Variants in DNAAF5 observed in about 807,000 individuals in gnomAD.
DNAAF5 encodes the protein dynein axonemal assembly factor 5.
DNAAF5 carries 64 observed loss-of-function variants against 75.8 expected under a neutral mutation model. That is an observed-to-expected ratio of 0.84 (90% CI 0.69 to 1.04). DNAAF5 has a LOEUF of 1.04. Ranked by LOEUF, DNAAF5 falls within the 50% of genes least tolerant of loss-of-function variation. The probability of loss-of-function intolerance (pLI) is 0.00; values close to 1 mark genes in which losing one functional copy is unlikely to be tolerated. For missense variants in DNAAF5, 1,269 were observed against 1,178.5 expected (o/e 1.08, Z -1.12); for synonymous variants, 657 against 557.2 (o/e 1.18, Z -2.52).
chr7:777,007 C>T (rs557667958), intron 11 of DNAAF5, among the ~76,000 whole-genome samples: 3 of 152,180 alleles, frequency 2.0e-5, no homozygotes, highest in Admixed American at 6.5e-5. Flanking sequence ...TCCAAGCTGA[C>T]GCTCCTTATG....
intron 8 of DNAAF5, among the ~76,000 whole-genome samples, chr7:770,059 C>T (rs769835970): frequency 3.3e-5 from 5 of 151,800 alleles, no homozygotes; most frequent in South Asian, 4.2e-4. Flanking sequence ...TCAAGTGATT[C>T]TCCTGCCTCA....
intron 4 of DNAAF5, among the ~76,000 whole-genome samples, chr7:746,322 C>T (rs1161753972): frequency 1.4e-5 from 2 of 141,410 alleles, no homozygotes; most frequent in Non-Finnish European, 3.1e-5. Flanking sequence ...TTCCCCCGCC[C>T]GTCATGCCCA....
intron 8 of DNAAF5, 74 bp from the exon 9 acceptor site, chr7:770,393 GAGCC>G: frequency 7.1e-7 from 1 of 1,417,272 alleles, no homozygotes; most frequent in Non-Finnish European, 9.6e-7. Flanking sequence ...GGGAGCGCCT[GAGCC>G]TGGGCCTGTG....
At chr7:751,172 T>C (rs1416340945) in intron 4 of DNAAF5, among the ~76,000 whole-genome samples, 2 of 151,720 alleles carry the variant, frequency 1.3e-5, no homozygotes. Context: ...AAGAGAGGTG[T>C]GTTTGCACCC....
intron 11 of DNAAF5, among the ~76,000 whole-genome samples, chr7:776,651 C>A (rs1778770253): frequency 6.6e-6 from 1 of 152,212 alleles, no homozygotes; most frequent in Admixed American, 6.5e-5. Flanking sequence ...CAGGTGAGAG[C>A]AAGCACTGGG....
At chr7:745,879 T>G (rs557700712) in intron 4 of DNAAF5, among the ~76,000 whole-genome samples, 1 of 152,336 alleles carries the variant, frequency 6.6e-6, no homozygotes, top group African/African-American at 2.4e-5. Context: ...GTTCAAGGAC[T>G]TGGGAATGTT....
chr7:772,454 T>G (rs1778598869), intron 9 of DNAAF5: 1 of 152,248 alleles, frequency 6.6e-6, no homozygotes, highest in Admixed American at 6.5e-5. Flanking sequence ...GAGAAGTGGC[T>G]GCGAGTTCAG....
chr7:770,539 G>A lies in DNAAF5; in HGVS notation c.1852G>A (p.Asp618Asn), dbSNP rs767066452. Reference protein sequence around the residue: ...TLRACLQPSQDPQMRLKLFSI... With the variant: ...TLRACLQPSQNPQMRLKLFSI... ...GAGGGCCTGTCTGCAGCCCTCCCAAGACCCGCAGATGCGCCTGAAGCTGTT... is the reference window on the plus strand; with the variant it reads ...GAGGGCCTGTCTGCAGCCCTCCCAAAACCCGCAGATGCGCCTGAAGCTGTT... The change falls in exon 9 of 13, where the codon GAC becomes AAC. Residue 618 changes from aspartate (D) to asparagine (N), a missense_variant. Transcript: ENST00000297440. 1 of 1,613,988 alleles carries A rather than the reference G, an allele frequency of 6.2e-7. No individual in the cohort carries two copies. Among genetic ancestry groups the A allele is most frequent in the South Asian group, 1.1e-5 (1 of 91,086 alleles).
chr7:781,710 C>G (rs1412978854), intron 12 of DNAAF5, among the ~76,000 whole-genome samples: 1 of 151,976 alleles, frequency 6.6e-6, no homozygotes, highest in Non-Finnish European at 1.5e-5. Flanking sequence ...GAGGATGTCT[C>G]ACTTGTTTCT....
At position 727,086 on chromosome 7, in the gene DNAAF5, C is replaced by T; in HGVS notation, c.366C>T (p.Ala122=). Reference sequence around the variant, plus strand: ...TGCCGCGCCTGCTGCCCGCGCTCGCCGCGCGCTTGGCCGGCCCCGTGCCCG... The same window carrying T: ...TGCCGCGCCTGCTGCCCGCGCTCGCTGCGCGCTTGGCCGGCCCCGTGCCCG... ...DALPRLLPAL[A]ARLAGPVPAR... The change falls in exon 1 of 13, where the codon GCC becomes GCT. Residue 122 remains alanine (A), a synonymous_variant. Coordinates refer to ENST00000297440, the MANE Select transcript of DNAAF5 (RefSeq NM_017802.4). The T allele has an allele frequency of 2.9e-6, 3 of 1,049,108 alleles. No individual in the cohort carries two copies. The highest frequency in any genetic ancestry group is 3.4e-6 in the Non-Finnish European group (3 of 874,068). 65.0% of individuals were successfully genotyped at this position (1,049,108 alleles called of 1,614,324 possible).
chr7:729,558 G>A (rs1163498206), intron 1 of DNAAF5, 105 bp from the exon 2 acceptor site: 38 of 1,037,450 alleles, frequency 3.7e-5, no homozygotes, highest in Admixed American at 9.3e-5. Flanking sequence ...GGAGAGGAAG[G>A]GAGGTGAGGA....
chr7:781,844 A>G (rs1778956783), intron 12 of DNAAF5, among the ~76,000 whole-genome samples: 1 of 152,064 alleles, frequency 6.6e-6, no homozygotes, highest in Non-Finnish European at 1.5e-5. Context: ...GGATTATTAG[A>G]TTGTCTGCTA....
At chr7:729,582 C>A in intron 1 of DNAAF5, 81 bp from the exon 2 acceptor site, 1 of 1,378,586 alleles carries the variant, frequency 7.3e-7, no homozygotes, top group South Asian at 1.3e-5. Context: ...CATAGGCAGG[C>A]AGCCGTCCTC....
At chr7:769,201 T>C (rs1209365405) in intron 8 of DNAAF5, 2 of 772,706 alleles carry the variant, frequency 2.6e-6, no homozygotes, top group Middle Eastern at 2.3e-4. Flanking sequence ...CAGCAACGGC[T>C]CAAGGTGACT....
At chr7:757,147 G>A (rs763476825) in intron 6 of DNAAF5, among the ~76,000 whole-genome samples, 153 bp downstream of exon 6, 1 of 152,226 alleles carries the variant, frequency 6.6e-6, no homozygotes, top group Non-Finnish European at 1.5e-5. Flanking sequence ...GCCCCGTGCC[G>A]CCAGGCCGGG....
intron 9 of DNAAF5, among the ~76,000 whole-genome samples, chr7:773,174 C>T (rs979591371): frequency 6.6e-6 from 1 of 152,178 alleles, no homozygotes; most frequent in African/African-American, 2.4e-5. Context: ...TAAAAACGAA[C>T]CCACGCCAGA....
At chr7:736,949 C>T (rs1583478389) in intron 2 of DNAAF5, among the ~76,000 whole-genome samples, 1 of 151,952 alleles carries the variant, frequency 6.6e-6, no homozygotes. Context: ...AACACTGATT[C>T]CAAAAACAAG....
At position 785,278 on chromosome 7, in the gene DNAAF5, C is replaced by T. The variant is rs141388806; in HGVS notation, c.2432-239C>T. On this transcript the variant is annotated intron_variant, in intron 12 of 12. Coordinates refer to ENST00000297440, the MANE Select transcript of DNAAF5 (RefSeq NM_017802.4). Reference sequence around the variant, plus strand: ...TCCCCAGATTGTGAGTCGGGTCACTCGTATCCACATTGTGACTACTGTGTC... The same window carrying T: ...TCCCCAGATTGTGAGTCGGGTCACTTGTATCCACATTGTGACTACTGTGTC... Among the ~76,000 whole-genome samples the T allele has an allele frequency of 4.4e-4, 66 of 148,422 alleles. No homozygotes were observed. In the East Asian group the frequency reaches 0.014, roughly 33 times the overall value.
At chr7:783,753 C>T (rs1210530945) in intron 12 of DNAAF5, among the ~76,000 whole-genome samples, 1 of 151,934 alleles carries the variant, frequency 6.6e-6, no homozygotes, top group Non-Finnish European at 1.5e-5. Context: ...CCCAGCCCTG[C>T]CTGCGCCCTC....
Sources: allele counts gnomAD v4.1 joint callset (sites outside exome capture counted in the v4.1 genomes callset), GRCh38; gene constraint gnomAD v4.1.1; transcripts MANE v1.5; gene names NCBI Gene and HGNC (gene_info 2026-07-23, HGNC 2026-07-21).